Variants in COL12A1 observed in about 807,000 individuals in gnomAD.
COL12A1 encodes collagen alpha-1(XII) chain.
A neutral mutation model predicts 349.7 loss-of-function variants in COL12A1; 114 were observed. The ratio of observed to expected loss-of-function variants is 0.33; its 90% CI spans 0.28 to 0.38. COL12A1 has a LOEUF of 0.38. COL12A1 is among the 10% of genes least tolerant of loss of function. The probability of loss-of-function intolerance (pLI) is 1.00; values close to 1 mark genes in which losing one functional copy is unlikely to be tolerated. For missense variants in COL12A1, 3,284 were observed against 3,756.9 expected, an observed-to-expected ratio of 0.87 and a Z score of 3.29; for synonymous variants, 1,369 against 1,329.0, an observed-to-expected ratio of 1.03 and a Z score of -0.66.
chr6:75,106,899 CTT>C (rs1160421791), intron 52 of COL12A1, among the ~76,000 whole-genome samples: 15 of 41,954 alleles, frequency 3.6e-4, no homozygotes, highest in African/African-American at 1.0e-3. Context: ...TTTTCTTTTT[CTT>C]TTTTTTTTTT....
chr6:75,128,883 G>A (rs1766154530), intron 37 of COL12A1, among the ~76,000 whole-genome samples: 1 of 152,158 alleles, frequency 6.6e-6, no homozygotes, highest in Admixed American at 6.5e-5. Flanking sequence ...AGCAAAAATT[G>A]ACTAACTTTC....
chr6:75,148,545 G>A (rs768863979), intron 21 of COL12A1, 48 bp from the exon 22 acceptor site: 10 of 1,512,088 alleles, frequency 6.6e-6, no homozygotes, highest in Non-Finnish European at 9.1e-6. Context: ...ATTGTAGAAA[G>A]GTGACAATAT....
Position 75,184,002 on chromosome 6 carries a change from C to T in COL12A1, c.1140G>A (p.Leu380=). Residue 380 remains leucine, a synonymous_variant, in exon 9 of 66, where the codon CTG becomes CTA. Transcript: ENST00000322507. Reference sequence around the variant, plus strand: ...GCGTGGTTGTCTGAGGCCCCACACTCAGAGCGTGCTGTCGGCTTCCTGCAG... The same window carrying T: ...GCGTGGTTGTCTGAGGCCCCACACTTAGAGCGTGCTGTCGGCTTCCTGCAG... ...PMTAGSRQHA[L]SVGPQTTTLS... 2 of 1,614,174 alleles carry T rather than the reference C, an allele frequency of 1.2e-6. No homozygotes were observed. The highest frequency in any genetic ancestry group is 1.7e-6 in the Non-Finnish European group (2 of 1,180,034).
At chr6:75,172,156 T>C (rs1283103335) in intron 13 of COL12A1, among the ~76,000 whole-genome samples, 1 of 152,222 alleles carries the variant, frequency 6.6e-6, no homozygotes, top group Admixed American at 6.5e-5. Flanking sequence ...TACTCACACA[T>C]GCGTACAAGT....
intron 37 of COL12A1, 109 bp from the exon 38 acceptor site, chr6:75,128,534 AT>A: frequency 2.1e-6 from 2 of 951,300 alleles, no homozygotes; most frequent in Non-Finnish European, 2.8e-6. Context: ...TTTTTTTCAC[AT>A]TTTATTTTTG....
At chr6:75,107,056 C>A (rs1197467600) in intron 52 of COL12A1, among the ~76,000 whole-genome samples, 1 of 151,458 alleles carries the variant, frequency 6.6e-6, no homozygotes, top group Non-Finnish European at 1.5e-5. Context: ...CGTGCACCAC[C>A]ATGCCCAGCT....
At chr6:75,137,351 A>G in intron 31 of COL12A1, 86 bp downstream of exon 31, 1 of 1,216,474 alleles carries the variant, frequency 8.2e-7, no homozygotes, top group Admixed American at 2.7e-5. Flanking sequence ...AAAAGTAAGT[A>G]TGACTAACTA....
At chr6:75,117,314 G>C in intron 47 of COL12A1, 68 bp downstream of exon 47, 1 of 1,506,912 alleles carries the variant, frequency 6.6e-7, no homozygotes, top group Non-Finnish European at 9.1e-7. Context: ...AAAGGATATA[G>C]AATTGTCTAC....
intron 23 of COL12A1, among the ~76,000 whole-genome samples, chr6:75,147,178 G>A (rs563292855): frequency 5.3e-5 from 8 of 152,308 alleles, no homozygotes; most frequent in South Asian, 4.1e-4. Flanking sequence ...AGCCGGGAGC[G>A]CTGGCCGTTA....
At chr6:75,150,775 T>C (rs1295067664) in intron 21 of COL12A1, among the ~76,000 whole-genome samples, 1 of 152,090 alleles carries the variant, frequency 6.6e-6, no homozygotes, top group Non-Finnish European at 1.5e-5. Flanking sequence ...CCCCTTCCCA[T>C]TTATATATAT....
In COL12A1 at chr6:75,085,194, T is replaced by G. The variant is rs1466981016; in HGVS notation, c.*1353A>C. 1 of 466,098 alleles carries G rather than the reference T, an allele frequency of 2.1e-6. No homozygotes were observed. Among genetic ancestry groups the G allele is most frequent in the South Asian group, 1.6e-5 (1 of 64,418 alleles). 28.9% of individuals were successfully genotyped at this position (466,098 alleles called of 1,614,324 possible). ...GCGCGGCGCGTGATCTCTGGTTCAC[T>G]GCCCGGGTCCGTGGGGCAGGGCGCG... On this transcript the variant is annotated 3_prime_UTR_variant, in exon 66 of 66. Transcript: ENST00000322507.
At chr6:75,170,185 G>A (rs1768549969) in intron 13 of COL12A1, among the ~76,000 whole-genome samples, 1 of 152,108 alleles carries the variant, frequency 6.6e-6, no homozygotes, top group African/African-American at 2.4e-5. Flanking sequence ...ATTAGCCAAT[G>A]ATAAATGAAA....
intron 4 of COL12A1, 83 bp from the exon 5 acceptor site, chr6:75,191,843 T>C: frequency 2.5e-6 from 2 of 814,624 alleles, no homozygotes; most frequent in South Asian, 6.3e-5. Flanking sequence ...ATTATATTAG[T>C]TTTTGTTATT....
intron 27 of COL12A1, among the ~76,000 whole-genome samples, chr6:75,140,612 T>C (rs1233107600): frequency 1.5e-5 from 2 of 135,696 alleles, no homozygotes; most frequent in Non-Finnish European, 3.0e-5. Context: ...GCCGAGATCG[T>C]GCCACTGCAC....
chr6:75,200,986 T>C, intron 2 of COL12A1, among the ~76,000 whole-genome samples: 1 of 151,230 alleles, frequency 6.6e-6, no homozygotes, highest in East Asian at 1.9e-4. Context: ...TAAATACAAA[T>C]TTAAAAGATA....
Position 75,175,118 on chromosome 6 carries a change from G to A in COL12A1, c.2630C>T (p.Thr877Ile), listed in dbSNP as rs1768859179. The A allele has an allele frequency of 2.5e-6, 4 of 1,614,010 alleles. No individual in the cohort carries two copies. The South Asian group carries it at 3.3e-5, about 13-fold the overall frequency. The part of the protein sequence containing the change: ...NTVLQGLKEG[T>I]QYALSVTALY... ...GGCTGTCACAGATAAGGCGTATTGT[G>A]TCCCTTCCTTCAATCCCTGCAGCAC... Residue 877 changes from threonine to isoleucine, a missense_variant, in exon 13 of 66, where the codon ACA (threonine) becomes ATA (isoleucine). Physicochemically the swap from Thr to Ile is moderately conservative, Grantham distance 89. Transcript: ENST00000322507.
chr6:75,137,232 T>C (rs968977072), intron 31 of COL12A1, among the ~76,000 whole-genome samples: 6 of 152,092 alleles, frequency 3.9e-5, no homozygotes, highest in Non-Finnish European at 7.4e-5. Flanking sequence ...AGAACAACTA[T>C]CATCTCTCAT....
chr6:75,113,638 TG>T lies in COL12A1; in HGVS notation c.7803del (p.Asp2601GlufsTer10). The T allele has an allele frequency of 6.2e-7, 1 of 1,610,456 alleles. No individual in the cohort carries two copies. On this transcript the variant is annotated frameshift_variant, in exon 50 of 66. Transcript: ENST00000322507. LOFTEE classifies it high-confidence loss of function. ...ACTCCAACTTGTGGTTTGTAGTCTC[TG>T]TCTGTGATTTGCCAAATTGCAAAAG... ...SDPFAIWQIT[D>X]RDYKPQVGVI...
chr6:75,133,949 C>A lies in COL12A1; in HGVS notation c.5573G>T (p.Ser1858Ile). ...RNLRVYDPSTSTLNVRWDHAE... is the reference protein window; with the variant it reads ...RNLRVYDPSTITLNVRWDHAE... ...ATGGTCCCAGCGGACATTCAAGGTG[C>A]TGGTAGAAGGGTCATACACTCTCAG... The change falls in exon 33 of 66, where the codon AGC (serine) becomes ATC (isoleucine). Residue 1858 changes from serine (S) to isoleucine (I), a missense_variant. Physicochemically the swap from Ser to Ile is moderately radical, Grantham distance 142 (BLOSUM62 -2). Coordinates refer to ENST00000322507, the MANE Select transcript of COL12A1 (RefSeq NM_004370.6). 1.9e-6 allele frequency: 3 copies of A among 1,614,042 alleles called. No homozygotes were observed. The highest frequency in any genetic ancestry group is 2.5e-6 in the Non-Finnish European group (3 of 1,179,978).
Sources: allele counts gnomAD v4.1 joint callset (sites outside exome capture counted in the v4.1 genomes callset), GRCh38; gene constraint gnomAD v4.1.1; transcripts MANE v1.5; gene names NCBI Gene and HGNC (gene_info 2026-07-23, HGNC 2026-07-21).